Variants in PPP4R3B observed in about 807,000 individuals in gnomAD.
PPP4R3B encodes serine/threonine-protein phosphatase 4 regulatory subunit 3B.
PPP4R3B carries 52 observed loss-of-function variants against 95.4 expected under a neutral mutation model. The observed-to-expected ratio is 0.54, with a 90% CI of 0.44 to 0.69. PPP4R3B has a LOEUF of 0.69. Ranked by LOEUF, PPP4R3B falls within the 30% of genes least tolerant of loss-of-function variation. The pLI is 0.00. For synonymous variants in PPP4R3B, 407 were observed against 343.9 expected, an observed-to-expected ratio of 1.18 and a Z score of -2.03; for missense variants, 1,003 against 1,005.9, an observed-to-expected ratio of 1.00 and a Z score of 0.04.
rs558206025 is a variant in PPP4R3B at position 55,559,356 on chromosome 2, C to CA, written c.2261-389dup. Among the ~76,000 whole-genome samples, 14 of 151,326 alleles carry CA rather than the reference C, an allele frequency of 9.3e-5. 1 individual carries two copies. In the South Asian group the frequency reaches 1.2e-3, roughly 13 times the overall value. ...AGCGAAACTCCGTCTCAAAAAAAAC[C>CA]AAAAAAACAAAAAAAAATAACACCA... On this transcript the variant is annotated intron_variant, in intron 15 of 16. Transcript: ENST00000616407.
At chr2:55,551,990 A>G (rs72803529) in intron 16 of PPP4R3B, among the ~76,000 whole-genome samples, 5,690 of 152,318 alleles carry the variant, frequency 0.037, 147 homozygotes, top group South Asian at 0.089. Context: ...CAAAGTTTTA[A>G]TTATGCTTAG....
chr2:55,551,883 T>C (rs1477815907), intron 16 of PPP4R3B, among the ~76,000 whole-genome samples: 2 of 152,238 alleles, frequency 1.3e-5, no homozygotes, highest in Non-Finnish European at 2.9e-5. Flanking sequence ...TATTATTTTG[T>C]TTCTAAGCCA....
intron 2 of PPP4R3B, among the ~76,000 whole-genome samples, chr2:55,613,089 G>A (rs1301744685): frequency 6.6e-6 from 1 of 151,962 alleles, no homozygotes; most frequent in East Asian, 1.9e-4. Flanking sequence ...CCAGCCTAAG[G>A]GACAGAAGAA....
At chr2:55,575,286 A>T (rs1688533889) in intron 11 of PPP4R3B, among the ~76,000 whole-genome samples, 1 of 149,632 alleles carries the variant, frequency 6.7e-6, no homozygotes, top group Non-Finnish European at 1.5e-5. Context: ...ATAGAGAGGG[A>T]CCTACTGAAT....
chr2:55,578,704 G>A (rs553770119), intron 9 of PPP4R3B, among the ~76,000 whole-genome samples: 1 of 152,048 alleles, frequency 6.6e-6, no homozygotes, highest in South Asian at 2.1e-4. Context: ...ACATTCCCTA[G>A]AGTATATACT....
chr2:55,585,097 G>C lies in PPP4R3B; in HGVS notation c.1187C>G (p.Ser396Cys). Residue 396 changes from serine (S) to cysteine (C), a missense_variant, in exon 7 of 17, where the codon TCT becomes TGT. Around this residue, in one of 3 missense-constraint regions of PPP4R3B, gnomAD observed 695 missense variants for 686.2 expected, o/e 1.01. Transcript: ENST00000616407. ...IFSYLVEFSP[S>C]MVREFVMQEA... ...TTGCATTACAAACTCTCGGACCATAGATGGACTAAATTCTACTAGATAAGA... is the reference window on the plus strand; with the variant it reads ...TTGCATTACAAACTCTCGGACCATACATGGACTAAATTCTACTAGATAAGA... 2 of 1,611,544 alleles carry C rather than the reference G, an allele frequency of 1.2e-6. No individual in the cohort carries two copies. The highest frequency in any genetic ancestry group is 4.5e-5 in the East Asian group (2 of 44,754).
intron 4 of PPP4R3B, among the ~76,000 whole-genome samples, chr2:55,595,754 A>AC (rs57959371): frequency 6.9e-6 from 1 of 145,414 alleles, no homozygotes; most frequent in Non-Finnish European, 1.5e-5. Flanking sequence ...AAAAAAAAAA[A>AC]CACAGCCTCA....
At chr2:55,588,774 C>G (rs965547823) in intron 5 of PPP4R3B, 105 bp downstream of exon 5, 4 of 619,716 alleles carry the variant, frequency 6.5e-6, no homozygotes, top group African/African-American at 5.6e-5. Context: ...TCATCTCTTA[C>G]TAATCTAATT....
At chr2:55,577,941 T>C (rs539876478) in intron 10 of PPP4R3B, among the ~76,000 whole-genome samples, 5 of 152,242 alleles carry the variant, frequency 3.3e-5, no homozygotes, top group South Asian at 4.1e-4. Flanking sequence ...TTATTTGTAA[T>C]AGCAAAAAGC....
intron 15 of PPP4R3B, among the ~76,000 whole-genome samples, chr2:55,560,978 C>A (rs144566472): frequency 3.1e-4 from 47 of 152,230 alleles, no homozygotes; most frequent in African/African-American, 1.1e-3. Context: ...GAAATTCAAG[C>A]TGGCTGCAGA....
At chr2:55,602,025 A>G (rs950070158) in intron 3 of PPP4R3B, among the ~76,000 whole-genome samples, 6 of 152,212 alleles carry the variant, frequency 3.9e-5, no homozygotes, top group African/African-American at 1.4e-4. Context: ...CTGGACTGAC[A>G]AAAAGCTGGA....
Position 55,579,761 on chromosome 2 carries a change from A to G in PPP4R3B, c.1386T>C (p.Phe462=). Residue 462 remains phenylalanine, a synonymous_variant, in exon 9 of 17, where the codon TTT becomes TTC. Coordinates refer to ENST00000616407, the MANE Select transcript of PPP4R3B (RefSeq NM_001122964.3). ...ATTNKTEKSE[F]LNFFYNHCMH... ...TACAATGGTTGTAGAAAAAATTTAG[A>G]AATTCACTTTTTTCGGTTTTCTGAA... 1 of 1,606,130 alleles carries G rather than the reference A, an allele frequency of 6.2e-7. No homozygotes were observed. Among genetic ancestry groups the G allele is most frequent in the Non-Finnish European group, 8.5e-7 (1 of 1,177,202 alleles).
intron 12 of PPP4R3B, among the ~76,000 whole-genome samples, chr2:55,572,599 A>G (rs940457007): frequency 1.2e-4 from 19 of 152,218 alleles, no homozygotes; most frequent in Middle Eastern, 3.2e-3. Flanking sequence ...AAGTGCTTCA[A>G]TTTTGGCGGA....
intron 15 of PPP4R3B, among the ~76,000 whole-genome samples, chr2:55,560,814 G>C (rs1265412437): frequency 7.1e-6 from 1 of 140,402 alleles, no homozygotes; most frequent in Non-Finnish European, 1.5e-5. Context: ...AAAAAAAAGA[G>C]GCCTTCTGGC....
intron 3 of PPP4R3B, among the ~76,000 whole-genome samples, chr2:55,601,051 G>T (rs1291096219): frequency 1.3e-5 from 2 of 149,272 alleles, no homozygotes; most frequent in African/African-American, 4.9e-5. Flanking sequence ...GGAGGCTGAA[G>T]TGAGAATCCC....
intron 2 of PPP4R3B, among the ~76,000 whole-genome samples, chr2:55,606,082 G>T (rs908678864): frequency 2.0e-5 from 3 of 151,872 alleles, no homozygotes; most frequent in Non-Finnish European, 4.4e-5. Flanking sequence ...AAAACACCAG[G>T]GTACCCACTC....
Position 55,579,743 on chromosome 2 carries a change from G to A in PPP4R3B, c.1404C>T (p.Asn468=). 2 of 1,604,878 alleles carry A rather than the reference G, an allele frequency of 1.2e-6. No individual in the cohort carries two copies. Among genetic ancestry groups the A allele is most frequent in the Non-Finnish European group, 8.5e-7 (1 of 1,175,916 alleles). Residue 468 remains asparagine (N), a synonymous_variant, in exon 9 of 17, where the codon AAC becomes AAT. Transcript: ENST00000616407. ...GTGCTGTGAGAACATGCATACAATG[G>A]TTGTAGAAAAAATTTAGAAATTCAC... ...EKSEFLNFFY[N]HCMHVLTAPL... is the part of the protein sequence containing the mutation.
chr2:55,568,056 T>C (rs6755521), intron 13 of PPP4R3B, 138 bp downstream of exon 13: 31 of 501,994 alleles, frequency 6.2e-5, no homozygotes, highest in Middle Eastern at 6.0e-4. Flanking sequence ...TTTATTAGAA[T>C]AGATTCTAAG....
At chr2:55,582,380 A>C (rs937986181) in intron 7 of PPP4R3B, among the ~76,000 whole-genome samples, 2 of 152,054 alleles carry the variant, frequency 1.3e-5, no homozygotes, top group African/African-American at 4.8e-5. Flanking sequence ...CAGCCTCTTT[A>C]GTAGCTGGGA....
Sources: gnomAD v4.1 joint callset for allele counts (sites outside exome capture counted in the v4.1 genomes callset) on GRCh38, gnomAD v4.1.1 for gene constraint, gnomAD v4.1.1 regional missense constraint, MANE v1.5 for transcripts, NCBI Gene and HGNC (gene_info 2026-07-23, HGNC 2026-07-21) for gene names.